The following CAST variants were observed in gnomAD, a reference collection of about 807,000 sequenced individuals.
CAST encodes the protein MIR583 host.
A neutral mutation model predicts 119.6 loss-of-function variants in CAST; 76 were observed. That is an observed-to-expected ratio of 0.64 (90% CI 0.53 to 0.77). The LOEUF is 0.77. CAST is among the 30% of genes least tolerant of loss of function. CAST has a pLI of 0.00. For synonymous variants in CAST, 319 were observed against 331.6 expected, an observed-to-expected ratio of 0.96 and a Z score of 0.41; for missense variants, 953 against 946.5, an observed-to-expected ratio of 1.01 and a Z score of -0.09.
the CAST span, among the ~76,000 whole-genome samples, chr5:96,191,055 T>C: frequency 6.6e-6 from 1 of 152,230 alleles, no homozygotes; most frequent in Non-Finnish European, 1.5e-5. Context: ...TCAAAGGATA[T>C]GATTTCATTC....
chr5:96,399,981 C>T, the CAST span: 1 of 1,614,006 alleles, frequency 6.2e-7, no homozygotes, highest in Non-Finnish European at 8.5e-7. Flanking sequence ...TCCTTTACAA[C>T]ACACTCTTTC....
At chr5:96,002,704 A>C in the CAST span, among the ~76,000 whole-genome samples, 3 of 152,344 alleles carry the variant, frequency 2.0e-5, no homozygotes, top group Admixed American at 1.3e-4. Context: ...GGCAGACACA[A>C]ACAATAGATG....
the CAST span, among the ~76,000 whole-genome samples, chr5:96,038,502 CTAA>C: frequency 6.6e-6 from 1 of 151,894 alleles, no homozygotes; most frequent in African/African-American, 2.4e-5. Context: ...GGTATTTCTC[CTAA>C]TGTTATCCCT....
At chr5:96,550,342 C>A (rs1475767090) in intron 1 of CAST, among the ~76,000 whole-genome samples, 2 of 152,200 alleles carry the variant, frequency 1.3e-5, no homozygotes, top group East Asian at 3.8e-4. Context: ...AGAAGGAAAA[C>A]TAACAAACAG....
chr5:96,066,394 CTT>C, the CAST span, among the ~76,000 whole-genome samples: 713 of 145,052 alleles, frequency 4.9e-3, 3 homozygotes, highest in African/African-American at 0.014. Flanking sequence ...CTCTAACAAC[CTT>C]TTTTTTTTTT....
At chr5:96,312,500 A>C in the CAST span, among the ~76,000 whole-genome samples, 2 of 152,092 alleles carry the variant, frequency 1.3e-5, no homozygotes, top group East Asian at 3.8e-4. Context: ...GGAATTTTAC[A>C]TCCCAACACC....
At chr5:96,747,517 G>A (rs1764026087) in intron 18 of CAST, 125 bp downstream of exon 18, 1 of 573,780 alleles carries the variant, frequency 1.7e-6, no homozygotes, top group Non-Finnish European at 3.1e-6. Context: ...CAGAGGAAAG[G>A]GGAACTTCTG....
chr5:96,700,670 C>T (rs886672005), intron 3 of CAST, among the ~76,000 whole-genome samples: 9 of 152,152 alleles, frequency 5.9e-5, no homozygotes, highest in Non-Finnish European at 1.3e-4. Context: ...ACTAGAGAAT[C>T]TGATTAAAAT....
At chr5:96,647,652 A>C (rs1270195163) in intron 1 of CAST, among the ~76,000 whole-genome samples, 2 of 152,172 alleles carry the variant, frequency 1.3e-5, no homozygotes, top group Admixed American at 6.5e-5. Flanking sequence ...TCCTTGTTAA[A>C]AATACATAAT....
the CAST span, among the ~76,000 whole-genome samples, chr5:96,190,977 G>A: frequency 1.3e-5 from 2 of 152,066 alleles, no homozygotes; most frequent in South Asian, 4.2e-4. Flanking sequence ...GACAGTATGG[G>A]GTATTTGGTT....
the CAST span, among the ~76,000 whole-genome samples, chr5:96,384,904 AG>A: frequency 6.6e-6 from 1 of 152,216 alleles, no homozygotes; most frequent in Non-Finnish European, 1.5e-5. Flanking sequence ...CAAAAAACTC[AG>A]GTTTTGTCCA....
the CAST span, among the ~76,000 whole-genome samples, chr5:96,238,329 T>TTCTTCC: frequency 2.3e-5 from 1 of 42,892 alleles, no homozygotes; most frequent in Admixed American, 3.5e-4. Flanking sequence ...CTTCTTCTTC[T>TTCTTCC]TCTTCTTCTT....
chr5:96,677,236 T>G (rs1308731761), intron 2 of CAST, among the ~76,000 whole-genome samples: 1 of 152,244 alleles, frequency 6.6e-6, no homozygotes, highest in Non-Finnish European at 1.5e-5. Flanking sequence ...TGTTATTCTC[T>G]ATTAATGTTA....
At chr5:96,568,718 T>C (rs1456172808) in intron 1 of CAST, among the ~76,000 whole-genome samples, 3 of 152,064 alleles carry the variant, frequency 2.0e-5, no homozygotes, top group African/African-American at 7.2e-5. Context: ...TTTGTTTTCA[T>C]GGGAATATTT....
the CAST span, among the ~76,000 whole-genome samples, chr5:96,373,071 A>G: frequency 6.6e-6 from 1 of 152,162 alleles, no homozygotes; most frequent in Non-Finnish European, 1.5e-5. Context: ...GAATTCAAGC[A>G]TGCATATTTT....
the CAST span, among the ~76,000 whole-genome samples, chr5:96,442,241 T>C: frequency 2.0e-5 from 3 of 152,220 alleles, no homozygotes; most frequent in Non-Finnish European, 2.9e-5. Context: ...CTGGAATAGC[T>C]CCTGAATCTT....
chr5:96,587,721 A>G (rs1163780598), intron 1 of CAST, among the ~76,000 whole-genome samples: 1 of 152,368 alleles, frequency 6.6e-6, no homozygotes, highest in East Asian at 1.9e-4. Flanking sequence ...GCTCAGTTAT[A>G]TTCAAATCAG....
chr5:96,307,472 GT>G, the CAST span, among the ~76,000 whole-genome samples: 1 of 152,180 alleles, frequency 6.6e-6, no homozygotes, highest in Non-Finnish European at 1.5e-5. Context: ...ATATTGTTAT[GT>G]GTGCATTTGA....
the CAST span, chr5:96,391,542 C>G: frequency 1.3e-5 from 2 of 152,212 alleles, no homozygotes; most frequent in African/African-American, 2.4e-5. Context: ...CAGATCCTGC[C>G]TAACAGAAGA....
Sources: gnomAD v4.1 joint callset for allele counts (sites outside exome capture counted in the v4.1 genomes callset) on GRCh38, gnomAD v4.1.1 for gene constraint, MANE v1.5 for transcripts, NCBI Gene and HGNC (gene_info 2026-07-23, HGNC 2026-07-21) for gene names.